The following SPATA6L variants were observed in gnomAD, a reference collection of about 807,000 sequenced individuals.
SPATA6L encodes the protein spermatogenesis associated 6-like protein.
In SPATA6L, 68 loss-of-function variants were observed where a neutral mutation model predicts 49.2. The ratio of observed to expected loss-of-function variants is 1.38; its 90% CI spans 1.14 to 1.69. SPATA6L has a LOEUF of 1.69. Ranked by LOEUF, SPATA6L falls within the 40% of genes most tolerant of loss-of-function variation. The pLI is 0.00. For missense variants in SPATA6L, 668 were observed against 464.3 expected, an observed-to-expected ratio of 1.44 and a Z score of -4.03; for synonymous variants, 198 against 165.7, an observed-to-expected ratio of 1.19 and a Z score of -1.50.
At chr9:4,630,798 C>G (rs752355632) in intron 4 of SPATA6L, among the ~76,000 whole-genome samples, 2 of 152,226 alleles carry the variant, frequency 1.3e-5, no homozygotes, top group Non-Finnish European at 1.5e-5. Context: ...AGGTATTGTG[C>G]TAAACACTAT....
intron 6 of SPATA6L, among the ~76,000 whole-genome samples, chr9:4,624,712 C>T (rs547482191): frequency 1.1e-4 from 15 of 141,610 alleles, no homozygotes; most frequent in African/African-American, 3.2e-4. Context: ...TAGGCGACAG[C>T]GCAAGACTCT....
chr9:4,655,849 C>T (rs1838027288), intron 3 of SPATA6L, among the ~76,000 whole-genome samples, 192 bp downstream of exon 3: 1 of 152,230 alleles, frequency 6.6e-6, no homozygotes, highest in Admixed American at 6.5e-5. Context: ...CCGTGCCCAG[C>T]CAAGCCCATC....
intron 4 of SPATA6L, among the ~76,000 whole-genome samples, chr9:4,634,836 C>T (rs1317384860): frequency 1.3e-5 from 2 of 152,168 alleles, no homozygotes; most frequent in African/African-American, 4.8e-5. Flanking sequence ...ATTTGCGAGC[C>T]TCTGTCAGTT....
chr9:4,660,248 A>G (rs571579906), intron 2 of SPATA6L, among the ~76,000 whole-genome samples: 1 of 152,378 alleles, frequency 6.6e-6, no homozygotes, highest in African/African-American at 2.4e-5. Flanking sequence ...CAGGCAACCT[A>G]CAGAAAGGGA....
Position 4,605,417 on chromosome 9 carries a change from G to C in SPATA6L, c.1019C>G (p.Thr340Arg), listed in dbSNP as rs1282723553. The change falls in exon 10 of 12, where the codon ACA (threonine) becomes AGA (arginine). Residue 340 changes from threonine to arginine, a missense_variant. By Grantham distance (71) the Thr-to-Arg change is moderately conservative. Transcript: ENST00000682582. Reference protein sequence around the residue: ...RERFHPGSQSTWKNIHERVCS... With the variant: ...RERFHPGSQSRWKNIHERVCS... ...TACCCTCTCATGGATATTCTTCCAT[G>C]TGGACTGAGAACCAGGATGGAACCT... The C allele has an allele frequency of 1.9e-6, 3 of 1,613,984 alleles. No individual in the cohort carries two copies. In the African/African-American group the frequency reaches 4.0e-5, roughly 22 times the overall value.
At chr9:4,632,551 G>T (rs1466927967) in intron 4 of SPATA6L, among the ~76,000 whole-genome samples, 3 of 149,818 alleles carry the variant, frequency 2.0e-5, no homozygotes, top group Admixed American at 6.7e-5. Flanking sequence ...AGCCGAGATC[G>T]CTGCACTGCA....
intron 8 of SPATA6L, among the ~76,000 whole-genome samples, chr9:4,618,468 T>G (rs1828528142): frequency 6.6e-6 from 1 of 152,260 alleles, no homozygotes; most frequent in Non-Finnish European, 1.5e-5. Context: ...TATTCCATTT[T>G]CTTTGCATAA....
At chr9:4,616,885 G>A (rs532602574) in intron 9 of SPATA6L, among the ~76,000 whole-genome samples, 3 of 152,118 alleles carry the variant, frequency 2.0e-5, no homozygotes, top group South Asian at 2.1e-4. Context: ...GTGCCCAGCC[G>A]GAGCCAGTTT....
chr9:4,633,948 T>C (rs1832214622), intron 4 of SPATA6L, among the ~76,000 whole-genome samples: 2 of 152,354 alleles, frequency 1.3e-5, no homozygotes, highest in African/African-American at 2.4e-5. Flanking sequence ...CTCTAATGCA[T>C]GCAGGTGTTT....
At chr9:4,602,032 G>A (rs1032668768) in intron 11 of SPATA6L, among the ~76,000 whole-genome samples, 2 of 152,184 alleles carry the variant, frequency 1.3e-5, no homozygotes, top group Non-Finnish European at 1.5e-5. Context: ...AGCGGGGTCA[G>A]GGAGGATGGT....
chr9:4,609,413 C>T (rs535889026), intron 9 of SPATA6L, among the ~76,000 whole-genome samples: 11 of 152,116 alleles, frequency 7.2e-5, no homozygotes, highest in South Asian at 2.1e-4. Flanking sequence ...ACTGGCAAAA[C>T]GAATCCAGCA....
chr9:4,622,251 T>C (rs1490704814), intron 7 of SPATA6L, among the ~76,000 whole-genome samples, 157 bp downstream of exon 7: 2 of 152,206 alleles, frequency 1.3e-5, no homozygotes, highest in South Asian at 2.1e-4. Flanking sequence ...CGCTGCTTCA[T>C]GGGAACACTG....
At chr9:4,663,971 C>T (rs1840460085) in intron 1 of SPATA6L, 1 of 167,026 alleles carries the variant, frequency 6.0e-6, no homozygotes, top group African/African-American at 2.4e-5. Context: ...CCCACTACTC[C>T]CTTACTGTCT....
intron 3 of SPATA6L, among the ~76,000 whole-genome samples, chr9:4,649,854 C>G (rs1836397927): frequency 6.6e-6 from 1 of 152,130 alleles, no homozygotes; most frequent in Non-Finnish European, 1.5e-5. Context: ...GAAAATATCC[C>G]AATTCTTGCA....
chr9:4,609,483 A>T (rs928978603), intron 9 of SPATA6L, among the ~76,000 whole-genome samples: 14 of 152,308 alleles, frequency 9.2e-5, no homozygotes, highest in Admixed American at 7.8e-4. Context: ...ATGCAAGGCT[A>T]GTTCAATATA....
At chr9:4,636,499 C>A (rs1407261190) in intron 3 of SPATA6L, among the ~76,000 whole-genome samples, 1 of 152,174 alleles carries the variant, frequency 6.6e-6, no homozygotes, top group African/African-American at 2.4e-5. Flanking sequence ...TCTGAATCAC[C>A]TTTGACCACA....
At chr9:4,594,127 T>C (rs1822079292), downstream of SPATA6L, among the ~76,000 whole-genome samples, 1 of 152,208 alleles carries the variant, frequency 6.6e-6, no homozygotes, top group African/African-American at 2.4e-5. Flanking sequence ...TTTTCCACCA[T>C]CTTTTTAAAC....
chr9:4,640,308 A>G (rs1833757997), intron 3 of SPATA6L, among the ~76,000 whole-genome samples: 1 of 152,226 alleles, frequency 6.6e-6, no homozygotes, highest in Non-Finnish European at 1.5e-5. Flanking sequence ...AAAGATCACT[A>G]GACTTCTTCA....
Position 4,662,261 on chromosome 9 carries a change from C to T in SPATA6L, c.40-225G>A, listed in dbSNP as rs947631274. On this transcript the variant is annotated intron_variant, in intron 1 of 11. Coordinates refer to ENST00000682582, the MANE Select transcript of SPATA6L (RefSeq NM_001353486.2). The surrounding 1 kb of genome is among the most constrained non-coding windows in gnomAD (Gnocchi z 4.9). Reference sequence around the variant, plus strand: ...CCACCAGGTGTCACAATCGCGCTCTCGCCGGCTCCTCTCCCCGCCCCTCCG... The same window carrying T: ...CCACCAGGTGTCACAATCGCGCTCTTGCCGGCTCCTCTCCCCGCCCCTCCG... The T allele has an allele frequency of 7.0e-7, 1 of 1,434,336 alleles. No individual in the cohort carries two copies. Among genetic ancestry groups the T allele is most frequent in the Non-Finnish European group, 9.1e-7 (1 of 1,099,640 alleles). The allele number at this position is 1,434,336 out of a possible 1,614,324, so 88.9% of individuals were successfully genotyped here. A position where few individuals can be genotyped will look rare whatever the true frequency, so the allele number is the denominator to read the frequency against.
Sources: gnomAD v4.1 joint callset for allele counts (sites outside exome capture counted in the v4.1 genomes callset) on GRCh38, gnomAD v4.1.1 for gene constraint, Gnocchi (gnomAD v3.1) non-coding constraint, MANE v1.5 for transcripts, NCBI Gene and HGNC (gene_info 2026-07-23, HGNC 2026-07-21) for gene names.